TSNARE1: variants seen among roughly 807,000 people sequenced by gnomAD.
TSNARE1 encodes t-SNARE domain-containing protein 1.
TSNARE1 carries 49 observed loss-of-function variants against 62.0 expected under a neutral mutation model. That is an observed-to-expected ratio of 0.79 (90% CI 0.63 to 1.00). The LOEUF (loss-of-function observed/expected upper bound fraction) is 1.00. Among genes scored for constraint, TSNARE1 ranks in the 50% least tolerant of loss-of-function variants. The pLI is 0.00. For synonymous variants in TSNARE1, 328 were observed against 294.4 expected, an observed-to-expected ratio of 1.11 and a Z score of -1.17; for missense variants, 755 against 700.1, an observed-to-expected ratio of 1.08 and a Z score of -0.88.
chr8:142,278,020 G>C, intron 11 of TSNARE1: 1 of 985,352 alleles, frequency 1.0e-6, no homozygotes, highest in African/African-American at 1.7e-5. Context: ...GAGACAATGT[G>C]GCCTCAATGG....
chr8:142,364,289 C>G (rs926132228), intron 1 of TSNARE1, among the ~76,000 whole-genome samples: 1 of 152,344 alleles, frequency 6.6e-6, no homozygotes, highest in East Asian at 1.9e-4. Context: ...TAAGCACTCC[C>G]GCGCTCACTC....
intron 9 of TSNARE1, among the ~76,000 whole-genome samples, chr8:142,307,273 C>T (rs893238248): frequency 3.3e-5 from 5 of 152,148 alleles, no homozygotes; most frequent in African/African-American, 4.8e-5. Flanking sequence ...TGGAGTCCCC[C>T]GTGGCATGAA....
chr8:142,216,200 C>A (rs1234900383), intron 13 of TSNARE1, among the ~76,000 whole-genome samples: 1 of 152,224 alleles, frequency 6.6e-6, no homozygotes, highest in Non-Finnish European at 1.5e-5. Flanking sequence ...GAAGCTCCCA[C>A]CTCTGCCATG....
Position 142,212,764 on chromosome 8 carries a change from C to T in TSNARE1, c.*12-451G>A, listed in dbSNP as rs746586563. 1.3e-4 allele frequency among the ~76,000 whole-genome samples: 20 copies of T among 150,280 alleles called. No homozygotes were observed. In the Middle Eastern group the frequency reaches 0.021, roughly 154 times the overall value. On this transcript the variant is annotated intron_variant, in intron 13 of 13. Transcript: ENST00000524325. The stretch of plus-strand genomic sequence containing the variant: ...GCCCACGAGACGACCCTACCTCTTC[C>T]CTGGCCCCTCCCTCTCCCCTCCTCC...
At chr8:142,265,415 T>C (rs533737875) in intron 12 of TSNARE1, among the ~76,000 whole-genome samples, 2 of 152,338 alleles carry the variant, frequency 1.3e-5, no homozygotes, top group African/African-American at 4.8e-5. Flanking sequence ...TCTGAGTTGC[T>C]GGCATTTCCG....
intron 12 of TSNARE1, chr8:142,271,599 G>GT: frequency 1.4e-6 from 2 of 1,432,052 alleles, no homozygotes; most frequent in Non-Finnish European, 1.8e-6. Flanking sequence ...AAGACTCCTC[G>GT]TAAGTCCAGG....
intron 12 of TSNARE1, among the ~76,000 whole-genome samples, chr8:142,236,190 G>A (rs1394121652): frequency 6.6e-6 from 1 of 152,138 alleles, no homozygotes; most frequent in African/African-American, 2.4e-5. Flanking sequence ...GTTACAACGA[G>A]CCTCCCTCAT....
chr8:142,383,903 T>C (rs974160273), intron 1 of TSNARE1, among the ~76,000 whole-genome samples: 1 of 152,018 alleles, frequency 6.6e-6, no homozygotes, highest in Non-Finnish European at 1.5e-5. Context: ...AGGAAATAAA[T>C]ACAATCTATA....
chr8:142,217,410 G>T (rs148880305), intron 13 of TSNARE1, among the ~76,000 whole-genome samples: 1 of 152,156 alleles, frequency 6.6e-6, no homozygotes, highest in Non-Finnish European at 1.5e-5. Context: ...AAGCAACGGC[G>T]TAAGGAATGG....
At chr8:142,299,819 C>G (rs1825414643) in intron 10 of TSNARE1, among the ~76,000 whole-genome samples, 1 of 152,242 alleles carries the variant, frequency 6.6e-6, no homozygotes, top group African/African-American at 2.4e-5. Flanking sequence ...TCTTGGGATA[C>G]TCTGTTTTAG....
At chr8:142,233,088 GC>G (rs774860604) in intron 12 of TSNARE1, among the ~76,000 whole-genome samples, 27 of 152,216 alleles carry the variant, frequency 1.8e-4, no homozygotes, top group Non-Finnish European at 3.7e-4. Flanking sequence ...CAGGCACACA[GC>G]CCCCACTCAT....
chr8:142,358,279 G>A (rs1431942508), intron 1 of TSNARE1, among the ~76,000 whole-genome samples: 1 of 76,382 alleles, frequency 1.3e-5, no homozygotes. Flanking sequence ...TTCAGGACAA[G>A]GGGAGCAGCC....
At chr8:142,282,436 G>A (rs78115494) in intron 11 of TSNARE1, among the ~76,000 whole-genome samples, 1,605 of 150,934 alleles carry the variant, frequency 0.011, 31 homozygotes, top group African/African-American at 0.036. Context: ...GAGCGGAGCA[G>A]GGGCCAGTGT....
chr8:142,274,605 C>T (rs1431795907), intron 12 of TSNARE1, 176 bp downstream of exon 12: 2 of 985,446 alleles, frequency 2.0e-6, no homozygotes, highest in Non-Finnish European at 2.4e-6. Flanking sequence ...GCCGCAACCC[C>T]GCCACTCCCA....
chr8:142,268,723 G>A (rs963926903), intron 12 of TSNARE1, among the ~76,000 whole-genome samples: 1 of 152,178 alleles, frequency 6.6e-6, no homozygotes, highest in Non-Finnish European at 1.5e-5. Context: ...AAGGGAGGGT[G>A]TGTGACCTTC....
intron 12 of TSNARE1, among the ~76,000 whole-genome samples, chr8:142,255,491 T>C (rs1342265663): frequency 1.5e-4 from 4 of 27,410 alleles, no homozygotes; most frequent in African/African-American, 2.0e-4. Context: ...ACCATCATCA[T>C]CACCACCACC....
At chr8:142,222,503 T>C (rs199510671) in intron 13 of TSNARE1, among the ~76,000 whole-genome samples, 18,273 of 33,854 alleles carry the variant, frequency 0.54, 4,343 homozygotes, top group Middle Eastern at 0.58. Flanking sequence ...CACTCACTCA[T>C]CCACTCACTC....
intron 11 of TSNARE1, chr8:142,278,886 G>T: frequency 1.2e-6 from 1 of 821,830 alleles, no homozygotes; most frequent in Non-Finnish European, 1.5e-6. Context: ...GAAGAGTCAA[G>T]CTGGGGCCCA....
chr8:142,335,598 C>CA (rs35069056), intron 4 of TSNARE1, among the ~76,000 whole-genome samples: 11 of 144,244 alleles, frequency 7.6e-5, no homozygotes, highest in East Asian at 2.0e-4. Flanking sequence ...AATTCTACTC[C>CA]AAAAAAAAAG....
Sources: gnomAD v4.1 joint callset for allele counts (sites outside exome capture counted in the v4.1 genomes callset) on GRCh38, gnomAD v4.1.1 for gene constraint, MANE v1.5 for transcripts, NCBI Gene and HGNC (gene_info 2026-07-23, HGNC 2026-07-21) for gene names.